CERKL: variants seen among roughly 807,000 people sequenced by gnomAD.
CERKL encodes the protein CERK like autophagy regulator, also known as ceramide kinase-like protein.
CERKL carries 61 observed loss-of-function variants against 63.4 expected under a neutral mutation model. The ratio of observed to expected loss-of-function variants is 0.96; its 90% confidence interval spans 0.78 to 1.19. The LOEUF (loss-of-function observed/expected upper bound fraction) is 1.19. CERKL is among the 50% of genes most tolerant of loss of function. The pLI is 0.00. For missense variants in CERKL, 675 were observed against 655.5 expected, an observed-to-expected ratio of 1.03 and a Z score of -0.33; for synonymous variants, 250 against 230.5, an observed-to-expected ratio of 1.08 and a Z score of -0.77.
intron 11 of CERKL, among the ~76,000 whole-genome samples, chr2:181,542,750 A>G (rs945736743): frequency 6.6e-6 from 1 of 152,226 alleles, no homozygotes; most frequent in Non-Finnish European, 1.5e-5. Context: ...TATGCCTCGT[A>G]GAGTACATGA....
chr2:181,640,141 G>A (rs1012400217), intron 1 of CERKL, among the ~76,000 whole-genome samples: 1 of 152,148 alleles, frequency 6.6e-6, no homozygotes, highest in Non-Finnish European at 1.5e-5. Flanking sequence ...TCTGAATTCA[G>A]TCACCCATTA....
intron 2 of CERKL, among the ~76,000 whole-genome samples, chr2:181,581,480 G>A (rs576914601): frequency 3.2e-4 from 49 of 152,192 alleles, no homozygotes; most frequent in Non-Finnish European, 6.6e-4. Context: ...TAAGACCAGT[G>A]AATCCTGTAG....
intron 1 of CERKL, among the ~76,000 whole-genome samples, chr2:181,622,033 A>G (rs1380491198): frequency 1.3e-5 from 2 of 152,224 alleles, no homozygotes; most frequent in African/African-American, 4.8e-5. Context: ...TATAAAGGAC[A>G]GAGTCAAAAA....
intron 4 of CERKL, among the ~76,000 whole-genome samples, chr2:181,559,568 A>G (rs57481980): frequency 0.4 from 61,442 of 151,978 alleles, 13,365 homozygotes; most frequent in African/African-American, 0.56. Flanking sequence ...GCTGTGGCCC[A>G]CTCACATCAC....
chr2:181,586,094 T>C (rs1684752409), intron 2 of CERKL, among the ~76,000 whole-genome samples: 1 of 152,042 alleles, frequency 6.6e-6, no homozygotes, highest in African/African-American at 2.4e-5. Context: ...TGAAAGGAAC[T>C]GTAACAATAA....
chr2:181,619,464 A>G (rs1686355948), intron 1 of CERKL, among the ~76,000 whole-genome samples: 1 of 152,124 alleles, frequency 6.6e-6, no homozygotes. Context: ...CCAGCTTCTC[A>G]GCAATTCACT....
At chr2:181,629,633 CAAAA>C (rs11290035) in intron 1 of CERKL, among the ~76,000 whole-genome samples, 1 of 142,138 alleles carries the variant, frequency 7.0e-6, no homozygotes, top group African/African-American at 2.6e-5. Flanking sequence ...TAGTCATAGG[CAAAA>C]AAAAAAAAAC....
chr2:181,601,516 C>G (rs1685457672), intron 2 of CERKL, among the ~76,000 whole-genome samples: 1 of 152,066 alleles, frequency 6.6e-6, no homozygotes, highest in Admixed American at 6.5e-5. Context: ...GAGCCAAGAT[C>G]ACGCCACTGT....
At chr2:181,561,639 C>G (rs1688448504) in intron 4 of CERKL, among the ~76,000 whole-genome samples, 1 of 151,942 alleles carries the variant, frequency 6.6e-6, no homozygotes, top group Admixed American at 6.6e-5. Flanking sequence ...CTTCCCTTTC[C>G]AGGTCTTTTC....
At chr2:181,623,962 G>C (rs531912212) in intron 1 of CERKL, among the ~76,000 whole-genome samples, 33 of 152,226 alleles carry the variant, frequency 2.2e-4, no homozygotes, top group Non-Finnish European at 4.7e-4. Flanking sequence ...TCTAAAATCA[G>C]TAAATATCTG....
chr2:181,641,206 T>C (rs996391717), intron 1 of CERKL, among the ~76,000 whole-genome samples: 2 of 150,882 alleles, frequency 1.3e-5, no homozygotes, highest in Non-Finnish European at 3.0e-5. Flanking sequence ...AGACTTCAAC[T>C]TTACTAGTAA....
intron 5 of CERKL, among the ~76,000 whole-genome samples, chr2:181,553,767 C>T (rs1478842331): frequency 1.3e-5 from 2 of 152,094 alleles, no homozygotes; most frequent in Non-Finnish European, 2.9e-5. Context: ...TGGTTTTTGA[C>T]ACTCTGAAGA....
At chr2:181,606,955 T>A (rs1685744540) in intron 1 of CERKL, among the ~76,000 whole-genome samples, 1 of 152,180 alleles carries the variant, frequency 6.6e-6, no homozygotes, top group African/African-American at 2.4e-5. Context: ...AGAACATCAA[T>A]TCCCAAACTC....
chr2:181,582,123 ACT>A (rs1410805480), intron 2 of CERKL, among the ~76,000 whole-genome samples: 2 of 152,178 alleles, frequency 1.3e-5, no homozygotes, highest in South Asian at 4.1e-4. Context: ...ACTCTGAACC[ACT>A]GTCCATACAC....
chr2:181,603,143 C>G (rs1450007510), intron 2 of CERKL: 1 of 262,508 alleles, frequency 3.8e-6, no homozygotes, highest in Non-Finnish European at 8.3e-6. Flanking sequence ...AGGTAATTCT[C>G]AATTACCAGA....
chr2:181,603,021 T>C (rs1574488546), intron 2 of CERKL: 1 of 178,874 alleles, frequency 5.6e-6, no homozygotes, highest in Non-Finnish European at 1.2e-5. Context: ...ATGCAAAATA[T>C]GAAAATGTCA....
intron 1 of CERKL, among the ~76,000 whole-genome samples, chr2:181,607,256 C>CT (rs1378692214): frequency 2.6e-5 from 4 of 152,150 alleles, no homozygotes; most frequent in South Asian, 2.1e-4. Flanking sequence ...AGTCCCTGGA[C>CT]CGCACTTTGA....
At chr2:181,614,489 CATTTT>C (rs904172088) in intron 1 of CERKL, among the ~76,000 whole-genome samples, 1 of 152,180 alleles carries the variant, frequency 6.6e-6, no homozygotes, top group Non-Finnish European at 1.5e-5. Context: ...GACTCAGACT[CATTTT>C]ATTTTCCATA....
rs543177553 is a variant in CERKL at position 181,619,262 on chromosome 2, T to C, written c.239-15183A>G. Among the ~76,000 whole-genome samples the C allele has an allele frequency of 4.6e-5, 7 of 151,702 alleles. No individual in the cohort carries two copies. In the South Asian group the frequency reaches 1.5e-3, roughly 32 times the overall value. On this transcript the variant is annotated intron_variant, in intron 1 of 12. Transcript: ENST00000410087. ...TATAAATGTATAGGGTTGGGGGAGG[T>C]CTCCAAGAATGGCACCAACAGAAAA...
Sources: gnomAD v4.1 joint callset for allele counts (sites outside exome capture counted in the v4.1 genomes callset) on GRCh38, gnomAD v4.1.1 for gene constraint, MANE v1.5 for transcripts, NCBI Gene and HGNC (gene_info 2026-07-23, HGNC 2026-07-21) for gene names.